Variants in CDH12 observed in about 807,000 individuals in gnomAD.
CDH12 encodes cadherin-12.
A neutral mutation model predicts 74.1 loss-of-function variants in CDH12; 41 were observed. The observed-to-expected ratio is 0.55, with a 90% CI of 0.43 to 0.72. The LOEUF is 0.72. Among genes scored for constraint, CDH12 ranks in the 30% least tolerant of loss-of-function variants. The probability of loss-of-function intolerance (pLI) is 0.00; values close to 1 mark genes in which losing one functional copy is unlikely to be tolerated. For missense variants in CDH12, 945 were observed against 977.2 expected, an observed-to-expected ratio of 0.97 and a Z score of 0.44; for synonymous variants, 399 against 355.0, an observed-to-expected ratio of 1.12 and a Z score of -1.39.
intron 1 of CDH12, among the ~76,000 whole-genome samples, chr5:22,665,207 T>A (rs543775389): frequency 6.6e-6 from 1 of 152,254 alleles, no homozygotes; most frequent in Non-Finnish European, 1.5e-5. Flanking sequence ...CTGCTTCCCA[T>A]CACCATCTTC....
At chr5:22,764,559 TCAAA>T (rs998368985) in intron 1 of CDH12, among the ~76,000 whole-genome samples, 1 of 151,926 alleles carries the variant, frequency 6.6e-6, no homozygotes, top group Non-Finnish European at 1.5e-5. Flanking sequence ...TTATAAAATC[TCAAA>T]CAATTTCCAC....
At chr5:22,233,406 G>A (rs901776653) in intron 3 of CDH12, among the ~76,000 whole-genome samples, 16 of 151,904 alleles carry the variant, frequency 1.1e-4, no homozygotes, top group African/African-American at 3.6e-4. Flanking sequence ...ATGGCTAAAA[G>A]GAAATCTTGC....
At chr5:22,023,583 A>G (rs115726024) in intron 5 of CDH12, among the ~76,000 whole-genome samples, 2 of 151,602 alleles carry the variant, frequency 1.3e-5, no homozygotes, top group South Asian at 4.1e-4. Flanking sequence ...CTCTCTCTAT[A>G]TATATATATA....
At chr5:22,602,354 G>T (rs1187672707) in intron 1 of CDH12, among the ~76,000 whole-genome samples, 1 of 151,996 alleles carries the variant, frequency 6.6e-6, no homozygotes, top group African/African-American at 2.4e-5. Context: ...AAATAAACCT[G>T]GCATTTCAGA....
intron 3 of CDH12, among the ~76,000 whole-genome samples, chr5:22,361,418 T>G (rs1453307998): frequency 6.6e-6 from 1 of 151,894 alleles, no homozygotes; most frequent in Admixed American, 6.6e-5. Flanking sequence ...CACTGCTCAA[T>G]GAAATAAAAG....
chr5:21,789,258 G>A (rs939019521), intron 10 of CDH12, among the ~76,000 whole-genome samples: 5 of 151,958 alleles, frequency 3.3e-5, no homozygotes, highest in African/African-American at 9.7e-5. Context: ...TTTGCATCCT[G>A]CCCCTCCTGG....
chr5:22,603,826 T>C (rs1289070417), intron 1 of CDH12, among the ~76,000 whole-genome samples: 1 of 152,164 alleles, frequency 6.6e-6, no homozygotes, highest in Non-Finnish European at 1.5e-5. Context: ...GGTATGGACA[T>C]CACTTTTAAG....
intron 10 of CDH12, among the ~76,000 whole-genome samples, chr5:21,785,215 A>T (rs1746135186): frequency 6.6e-6 from 1 of 152,154 alleles, no homozygotes; most frequent in Admixed American, 6.6e-5. Context: ...AAACTTAATC[A>T]ATCAACGTTG....
chr5:21,866,041 A>T (rs183860171), intron 6 of CDH12, among the ~76,000 whole-genome samples: 385 of 151,552 alleles, frequency 2.5e-3, no homozygotes, highest in Non-Finnish European at 4.0e-3. Flanking sequence ...ATGAAGGGAA[A>T]CCTCTTTCAC....
chr5:22,698,408 A>T (rs552508692), intron 1 of CDH12, among the ~76,000 whole-genome samples: 1 of 151,398 alleles, frequency 6.6e-6, no homozygotes, highest in Non-Finnish European at 1.5e-5. Flanking sequence ...GGAGTGAGCC[A>T]CCGTGTCTGG....
intron 1 of CDH12, among the ~76,000 whole-genome samples, chr5:22,825,054 A>T (rs886988915): frequency 1.3e-5 from 2 of 152,196 alleles, no homozygotes; most frequent in Middle Eastern, 3.4e-3. Flanking sequence ...AATTATACAA[A>T]GAAATAGAGA....
At chr5:22,823,836 A>T (rs1282447834) in intron 1 of CDH12, among the ~76,000 whole-genome samples, 1 of 152,092 alleles carries the variant, frequency 6.6e-6, no homozygotes, top group East Asian at 1.9e-4. Context: ...CATGATTGTA[A>T]GTTTTCTGAT....
intron 11 of CDH12, among the ~76,000 whole-genome samples, chr5:21,773,293 C>T (rs1745419655): frequency 6.6e-6 from 1 of 151,908 alleles, no homozygotes; most frequent in African/African-American, 2.4e-5. Context: ...GAGGGTGTTG[C>T]CAAAGGAGAT....
chr5:22,093,666 G>C (rs964775876), intron 4 of CDH12, among the ~76,000 whole-genome samples: 1 of 152,072 alleles, frequency 6.6e-6, no homozygotes, highest in African/African-American at 2.4e-5. Flanking sequence ...CTTCTTGGGC[G>C]AATAAAAATG....
chr5:21,795,308 C>G (rs576713342), intron 10 of CDH12, among the ~76,000 whole-genome samples: 1 of 151,800 alleles, frequency 6.6e-6, no homozygotes, highest in East Asian at 1.9e-4. Flanking sequence ...CTGAAATTAT[C>G]ATAGTTTCTC....
At chr5:22,788,451 G>C (rs1020191164) in intron 1 of CDH12, among the ~76,000 whole-genome samples, 8 of 151,000 alleles carry the variant, frequency 5.3e-5, no homozygotes, top group African/African-American at 1.9e-4. Flanking sequence ...GAAGAAAAAA[G>C]ATTATCATTA....
At chr5:22,415,378 C>T (rs546811209) in intron 2 of CDH12, among the ~76,000 whole-genome samples, 5 of 152,278 alleles carry the variant, frequency 3.3e-5, no homozygotes, top group South Asian at 2.1e-4. Context: ...ATTCTTCCCC[C>T]TTTTGTGTCC....
chr5:22,150,991 T>C (rs554466834), intron 4 of CDH12, among the ~76,000 whole-genome samples: 4 of 152,204 alleles, frequency 2.6e-5, no homozygotes, highest in African/African-American at 9.6e-5. Context: ...GCTGAGGGGA[T>C]AAAAAGAATT....
intron 5 of CDH12, among the ~76,000 whole-genome samples, chr5:22,072,782 A>T (rs1356432575): frequency 6.6e-6 from 1 of 151,784 alleles, no homozygotes; most frequent in Admixed American, 6.6e-5. Context: ...TCATTGTTCA[A>T]TTCCCACCTA....
Sources: allele counts gnomAD v4.1 joint callset (sites outside exome capture counted in the v4.1 genomes callset), GRCh38; gene constraint gnomAD v4.1.1; transcripts MANE v1.5; gene names NCBI Gene and HGNC (gene_info 2026-07-23, HGNC 2026-07-21).